RSPH10B: variants seen among roughly 807,000 people sequenced by gnomAD.
RSPH10B encodes radial spoke head 10 homolog B, also known as radial spoke head 10 homolog B (Chlamydomonas).
In RSPH10B, 7 loss-of-function variants were observed where a neutral mutation model predicts 52.5. The ratio of observed to expected loss-of-function variants is 0.13; its 90% confidence interval spans 0.08 to 0.25. RSPH10B has a LOEUF of 0.25. Among genes scored for constraint, RSPH10B ranks in the 10% least tolerant of loss-of-function variants. The pLI is 1.00. For missense variants in RSPH10B, 89 were observed against 542.5 expected (o/e 0.16, Z 8.30); for synonymous variants, 28 against 193.2 (o/e 0.14, Z 7.09).
chr7:5,927,018 GTTACGTGTGTGTGTGTGTGTGTGTGTGTA>G (rs1779467289), intron 18 of RSPH10B, among the ~76,000 whole-genome samples: 2 of 107,280 alleles, frequency 1.9e-5, no homozygotes, highest in Admixed American at 1.9e-4. Flanking sequence ...GCCTCCCAAA[GTTACGTGTGTGTGTGTGTGTGTGTGTGTA>G]TTATGTGTGT....
chr7:5,943,279 A>C, intron 13 of RSPH10B, 45 bp downstream of exon 15: 1 of 1,539,240 alleles, frequency 6.5e-7, no homozygotes, highest in Non-Finnish European at 8.8e-7. Context: ...AATTAAAATC[A>C]AAGTGCCTGT....
At chr7:5,938,011 C>CCA (rs71237973) in intron 14 of RSPH10B, 110 bp from the exon 17 acceptor site, 202,013 of 720,126 alleles carry the variant, frequency 0.28, 20,422 homozygotes, top group South Asian at 0.32. Flanking sequence ...GCACGTTTGC[C>CCA]CACACACACA....
chr7:5,957,749 T>C (rs950773197), intron 6 of RSPH10B, among the ~76,000 whole-genome samples, 158 bp downstream of exon 8: 2 of 133,326 alleles, frequency 1.5e-5, no homozygotes, highest in Admixed American at 7.4e-5. Flanking sequence ...TGAGCCAAGA[T>C]TGCGCCAGTG....
At chr7:5,955,022 G>A (rs1416161104) in intron 7 of RSPH10B, among the ~76,000 whole-genome samples, 2 of 104,712 alleles carry the variant, frequency 1.9e-5, no homozygotes, top group African/African-American at 3.7e-5. Context: ...AAAAAGAGCC[G>A]GGCGTGGTGG....
chr7:5,927,080 G>GTATATATATATATA (rs1318346000), intron 18 of RSPH10B, among the ~76,000 whole-genome samples: 2 of 132,142 alleles, frequency 1.5e-5, no homozygotes, highest in African/African-American at 5.8e-5. Flanking sequence ...ATGTGTGTGT[G>GTATATATATATATA]TGTGTGTGTG....
At chr7:5,938,459 T>C (rs1216617950) in intron 14 of RSPH10B, among the ~76,000 whole-genome samples, 2 of 99,154 alleles carry the variant, frequency 2.0e-5, no homozygotes, top group African/African-American at 3.5e-5. Flanking sequence ...GCGCCTGTAG[T>C]CTCAGCTACT....
chr7:5,942,272 G>A (rs1484139912), intron 13 of RSPH10B, among the ~76,000 whole-genome samples: 12 of 138,014 alleles, frequency 8.7e-5, no homozygotes, highest in Admixed American at 6.1e-4. Context: ...TGTTTTTTGG[G>A]GGATTTTTTT....
intron 17 of RSPH10B, among the ~76,000 whole-genome samples, chr7:5,929,495 G>A (rs900924232): frequency 1.5e-5 from 1 of 66,688 alleles, no homozygotes; most frequent in African/African-American, 6.8e-5. Flanking sequence ...ATATTCGAAA[G>A]CTTTTATTTA....
chr7:5,937,077 GCT>G (rs376726199), intron 15 of RSPH10B, among the ~76,000 whole-genome samples: 6,391 of 26,832 alleles, frequency 0.24, 211 homozygotes, highest in Admixed American at 0.38. Flanking sequence ...ACAGAATGAA[GCT>G]CTGTCTCAAA....
chr7:5,929,221 C>T (rs1779691178), intron 17 of RSPH10B, among the ~76,000 whole-genome samples: 1 of 144,836 alleles, frequency 6.9e-6, no homozygotes, highest in African/African-American at 2.6e-5. Context: ...GCTCTGTCAT[C>T]CAGGCTGGAG....
intron 17 of RSPH10B, among the ~76,000 whole-genome samples, chr7:5,931,767 G>C (rs1164149143): frequency 6.6e-6 from 1 of 150,894 alleles, no homozygotes; most frequent in Non-Finnish European, 1.5e-5. Context: ...TTAGGAGGCT[G>C]AGGCAGGCAG....
chr7:5,938,495 G>A (rs1780040168), intron 14 of RSPH10B, among the ~76,000 whole-genome samples: 1 of 70,932 alleles, frequency 1.4e-5, no homozygotes, highest in Non-Finnish European at 3.2e-5. Context: ...GGAGAATGGC[G>A]TGAACCCGGG....
chr7:5,927,085 TGTGTGTGTGTGTATTTTTTTTTTTG>T (rs1779523383), intron 18 of RSPH10B, among the ~76,000 whole-genome samples: 1 of 145,572 alleles, frequency 6.9e-6, no homozygotes, highest in African/African-American at 2.6e-5. Flanking sequence ...TGTGTGTGTG[TGTGTGTGTGTGTATTTTTTTTTTTG>T]AGATAGGGTC....
intron 17 of RSPH10B, among the ~76,000 whole-genome samples, chr7:5,932,199 CGCAG>C (rs1425890244): frequency 8.1e-6 from 1 of 123,276 alleles, no homozygotes; most frequent in East Asian, 2.0e-4. Flanking sequence ...AGGGAGGAAG[CGCAG>C]TCAGCAGACA....
chr7:5,927,022 C>CGTGTGTGTGTGTGT lies in RSPH10B; in HGVS notation c.2433-488_2433-475dup, dbSNP rs373901374. ...CACCCACCTCGGCCTCCCAAAGTTACGTGTGTGTGTGTGTGTGTGTGTGTA... is the reference window on the plus strand; with the variant it reads ...CACCCACCTCGGCCTCCCAAAGTTACGTGTGTGTGTGTGTGTGTGTGTGTGTGTGTGTGTGTGTA... On this transcript the variant is annotated intron_variant, in intron 18 of 18. Coordinates refer to ENST00000337579, the Ensembl canonical transcript of RSPH10B. 4.8e-3 allele frequency among the ~76,000 whole-genome samples: 460 copies of CGTGTGTGTGTGTGT among 95,848 alleles called. 1 individual carries two copies. Among genetic ancestry groups the CGTGTGTGTGTGTGT allele is most frequent in the Middle Eastern group, 0.011 (2 of 188 alleles). The allele number at this position is 95,848 out of a possible 152,430, so 62.9% of individuals were successfully genotyped here.
chr7:5,942,148 C>A (rs4341076), intron 13 of RSPH10B, among the ~76,000 whole-genome samples: 2 of 147,952 alleles, frequency 1.4e-5, no homozygotes, highest in Non-Finnish European at 3.0e-5. Context: ...ACCCCCTCCG[C>A]CTTCCAAAGT....
rs1355696895 is a variant in RSPH10B at position 5,932,177 on chromosome 7, G to A, written c.2233+605C>T. Among the ~76,000 whole-genome samples the A allele has an allele frequency of 2.4e-5, 3 of 125,468 alleles. No homozygotes were observed. The East Asian group carries it at 5.8e-4, about 24-fold the overall frequency. The allele number at this position is 125,468 out of a possible 152,430, so 82.3% of individuals were successfully genotyped here. A position where few individuals can be genotyped will look rare whatever the true frequency, so the allele number is the denominator to read the frequency against. On this transcript the variant is annotated intron_variant, in intron 17 of 18. Transcript: ENST00000337579. ...GGAAGTTCACACGGACACGGCTGAGGAATCAGACCAGAGGGAGGAAGCGCA... is the reference window on the plus strand; with the variant it reads ...GGAAGTTCACACGGACACGGCTGAGAAATCAGACCAGAGGGAGGAAGCGCA...
intron 14 of RSPH10B, 110 bp from the exon 17 acceptor site, chr7:5,938,011 C>CCACA (rs71237973): frequency 2.2e-5 from 16 of 732,104 alleles, no homozygotes; most frequent in South Asian, 4.4e-5. Flanking sequence ...GCACGTTTGC[C>CCACA]CACACACACA....
At chr7:5,928,716 C>G (rs532414854) in intron 17 of RSPH10B, among the ~76,000 whole-genome samples, 56 of 149,662 alleles carry the variant, frequency 3.7e-4, no homozygotes, top group African/African-American at 1.3e-3. Context: ...ACTGCAACCT[C>G]CACCTCCTGG....
Sources: allele counts gnomAD v4.1 joint callset (sites outside exome capture counted in the v4.1 genomes callset), GRCh38; gene constraint gnomAD v4.1.1; transcripts MANE v1.5; gene names NCBI Gene and HGNC (gene_info 2026-07-23, HGNC 2026-07-21).